The following SORCS2 variants were observed in gnomAD, a reference collection of about 807,000 sequenced individuals.
SORCS2 encodes the protein sortilin related VPS10 domain containing receptor 2.
A neutral mutation model predicts 141.6 loss-of-function variants in SORCS2; 100 were observed. The ratio of observed to expected loss-of-function variants is 0.71; its 90% CI spans 0.60 to 0.83. The LOEUF (loss-of-function observed/expected upper bound fraction) is 0.83, where lower values mean the gene tolerates loss of function less well. Ranked by LOEUF, SORCS2 falls within the 40% of genes least tolerant of loss-of-function variation. The probability of loss-of-function intolerance (pLI) is 0.00; values close to 1 mark genes in which losing one functional copy is unlikely to be tolerated. For missense variants in SORCS2, 1,646 were observed against 1,560.2 expected, an observed-to-expected ratio of 1.05 and a Z score of -0.93; for synonymous variants, 789 against 676.9, an observed-to-expected ratio of 1.17 and a Z score of -2.57.
At chr4:7,387,575 GCA>G (rs761521115) in intron 1 of SORCS2, among the ~76,000 whole-genome samples, 1,913 of 131,258 alleles carry the variant, frequency 0.015, 51 homozygotes, top group Middle Eastern at 0.11. Context: ...ACGCACACAT[GCA>G]CACACATACA....
intron 1 of SORCS2, among the ~76,000 whole-genome samples, chr4:7,264,036 T>C (rs1714549258): frequency 6.6e-6 from 1 of 152,160 alleles, no homozygotes; most frequent in African/African-American, 2.4e-5. Context: ...TGCCAGGTCC[T>C]GAGGTCACAG....
At chr4:7,461,803 C>T (rs192989942) in intron 2 of SORCS2, among the ~76,000 whole-genome samples, 1 of 152,246 alleles carries the variant, frequency 6.6e-6, no homozygotes, top group East Asian at 1.9e-4. Context: ...AAAATATGGC[C>T]TGGGAACCCA....
chr4:7,289,622 C>G (rs1018351893), intron 1 of SORCS2, among the ~76,000 whole-genome samples: 2 of 152,182 alleles, frequency 1.3e-5, no homozygotes, highest in Non-Finnish European at 2.9e-5. Flanking sequence ...TAAAGCCCTC[C>G]CAGGCCCAGG....
chr4:7,618,048 T>A (rs879296704), intron 3 of SORCS2, among the ~76,000 whole-genome samples: 8 of 151,814 alleles, frequency 5.3e-5, no homozygotes, highest in Non-Finnish European at 7.4e-5. Context: ...GATGCCCCAA[T>A]CAAAGTCCAA....
rs376660766 is a variant in SORCS2, at chr4:7,316,212, TTCCA to T, written c.481-80038_481-80035del. On this transcript the variant is annotated intron_variant, in intron 1 of 26. Transcript: ENST00000507866. Reference sequence around the variant, plus strand: ...CATCCACCCATCCAGCTAGCTTTCCTTCCATCCATCCATCCATCCATCCATCCAT... The same window carrying T: ...CATCCACCCATCCAGCTAGCTTTCCTTCCATCCATCCATCCATCCATCCAT... Among the ~76,000 whole-genome samples the T allele has an allele frequency of 5.0e-4, 76 of 150,624 alleles. 1 individual carries two copies. The highest frequency in any genetic ancestry group is 2.5e-3 in the East Asian group (13 of 5,104).
intron 1 of SORCS2, among the ~76,000 whole-genome samples, chr4:7,246,095 A>G (rs893708664): frequency 2.0e-5 from 3 of 152,196 alleles, no homozygotes; most frequent in South Asian, 2.1e-4. Context: ...AGGGGGCTTC[A>G]TGCAACTTAG....
At chr4:7,522,195 C>T (rs570981077) in intron 2 of SORCS2, among the ~76,000 whole-genome samples, 75 of 152,250 alleles carry the variant, frequency 4.9e-4, no homozygotes, top group African/African-American at 1.4e-3. Flanking sequence ...CTTCCGTGTT[C>T]GCAAGTGGGA....
At chr4:7,528,546 C>T (rs918527535) in intron 2 of SORCS2, among the ~76,000 whole-genome samples, 1 of 152,184 alleles carries the variant, frequency 6.6e-6, no homozygotes, top group Non-Finnish European at 1.5e-5. Flanking sequence ...GTGCCTCAGC[C>T]TCCTGAGTAC....
At chr4:7,680,344 C>G (rs1051392178) in intron 9 of SORCS2, among the ~76,000 whole-genome samples, 13 of 152,220 alleles carry the variant, frequency 8.5e-5, no homozygotes, top group African/African-American at 3.1e-4. Flanking sequence ...TCCTGCAGAC[C>G]AAGGCCAGAG....
intron 20 of SORCS2, 52 bp downstream of exon 20, chr4:7,725,339 G>C: frequency 6.3e-7 from 1 of 1,579,730 alleles, no homozygotes; most frequent in South Asian, 1.2e-5. Flanking sequence ...CTCCCCACAA[G>C]CTGCACAGTG....
intron 2 of SORCS2, among the ~76,000 whole-genome samples, chr4:7,491,865 C>T (rs1399604693): frequency 6.6e-6 from 1 of 152,174 alleles, no homozygotes; most frequent in Non-Finnish European, 1.5e-5. Flanking sequence ...CAGTGGCTGT[C>T]CAGGGCTGTG....
chr4:7,598,813 G>A (rs538811751), intron 3 of SORCS2, among the ~76,000 whole-genome samples: 2 of 152,208 alleles, frequency 1.3e-5, no homozygotes, highest in Admixed American at 1.3e-4. Context: ...GGTGTTGGGG[G>A]TGGGGACAGG....
At chr4:7,721,677 G>A (rs1726597499) in intron 18 of SORCS2, among the ~76,000 whole-genome samples, 2 of 152,306 alleles carry the variant, frequency 1.3e-5, no homozygotes, top group South Asian at 2.1e-4. Flanking sequence ...GCTAATGTGC[G>A]GAAGTGGGTG....
At chr4:7,291,194 G>A (rs995695603) in intron 1 of SORCS2, among the ~76,000 whole-genome samples, 1 of 152,162 alleles carries the variant, frequency 6.6e-6, no homozygotes, top group Non-Finnish European at 1.5e-5. Context: ...ATGAGGCGGC[G>A]GTGGGGGCAG....
chr4:7,723,967 C>T (rs938939902), intron 19 of SORCS2, 84 bp downstream of exon 19: 11 of 1,425,966 alleles, frequency 7.7e-6, no homozygotes, highest in Admixed American at 5.2e-5. Context: ...GGGAAGCCCC[C>T]GGGATTGCTC....
intron 10 of SORCS2, among the ~76,000 whole-genome samples, chr4:7,688,197 T>G (rs1005313946): frequency 1.9e-4 from 29 of 152,114 alleles, no homozygotes; most frequent in African/African-American, 7.0e-4. Context: ...TCTGACGTGA[T>G]GTTAGTAGAT....
intron 2 of SORCS2, among the ~76,000 whole-genome samples, chr4:7,440,898 G>A (rs1027674592): frequency 1.3e-5 from 2 of 152,234 alleles, no homozygotes; most frequent in African/African-American, 4.8e-5. Context: ...GCTCAATGGG[G>A]ATGAAGACGG....
chr4:7,713,271 A>G (rs1725951317), intron 15 of SORCS2, among the ~76,000 whole-genome samples: 1 of 152,024 alleles, frequency 6.6e-6, no homozygotes, highest in African/African-American at 2.4e-5. Flanking sequence ...TCTACAGCAA[A>G]TGTGTAATAT....
chr4:7,219,586 G>A (rs571756877), intron 1 of SORCS2, among the ~76,000 whole-genome samples: 2 of 152,226 alleles, frequency 1.3e-5, no homozygotes, highest in Admixed American at 6.5e-5. Flanking sequence ...TTCACAAGGC[G>A]GCAGGAAGAA....
Sources: gnomAD v4.1 joint callset for allele counts (sites outside exome capture counted in the v4.1 genomes callset) on GRCh38, gnomAD v4.1.1 for gene constraint, MANE v1.5 for transcripts, NCBI Gene and HGNC (gene_info 2026-07-23, HGNC 2026-07-21) for gene names.